CCR3: variants seen among roughly 807,000 people sequenced by gnomAD.
The protein encoded by CCR3 is C-C chemokine receptor type 3.
For synonymous variants in CCR3, 203 were observed against 179.2 expected (o/e 1.13, Z -1.06); for missense variants, 419 against 437.5 (o/e 0.96, Z 0.38).
intron 1 of CCR3, chr3:46,264,267 C>T (rs1390786258): frequency 1.4e-6 from 1 of 731,992 alleles, no homozygotes; most frequent in Non-Finnish European, 2.3e-6. Flanking sequence ...AACTCAGCAT[C>T]ACCAGGGGCA....
chr3:46,215,283 G>A (rs1244041408), intron 2 of CCR3, among the ~76,000 whole-genome samples: 1 of 152,142 alleles, frequency 6.6e-6, no homozygotes, highest in African/African-American at 2.4e-5. Context: ...CCTAAAAGTT[G>A]AGTTAGGTAG....
intron 2 of CCR3, among the ~76,000 whole-genome samples, chr3:46,218,064 C>A (rs561165255): frequency 6.6e-6 from 1 of 151,390 alleles, no homozygotes; most frequent in Non-Finnish European, 1.5e-5. Context: ...AATCGATAGA[C>A]CATTAGCAAG....
intron 2 of CCR3, among the ~76,000 whole-genome samples, chr3:46,215,181 G>T (rs898465361): frequency 6.6e-6 from 1 of 152,148 alleles, no homozygotes; most frequent in African/African-American, 2.4e-5. Flanking sequence ...TCCAGTCTGA[G>T]TGCTCATGCT....
At chr3:46,222,792 T>C (rs1699851774) in intron 2 of CCR3, among the ~76,000 whole-genome samples, 1 of 152,146 alleles carries the variant, frequency 6.6e-6, no homozygotes, top group Non-Finnish European at 1.5e-5. Flanking sequence ...TTTCTCAGGA[T>C]TGTTGCAATA....
chr3:46,226,326 C>T lies in CCR3; in HGVS notation c.-68+15419C>T, dbSNP rs551459451. Among the ~76,000 whole-genome samples the T allele has an allele frequency of 4.6e-5, 7 of 152,150 alleles. 1 individual carries two copies. The highest frequency in any genetic ancestry group is 1.7e-4 in the African/African-American group (7 of 41,518). On this transcript the variant is annotated intron_variant, in intron 2 of 3. Transcript: ENST00000357422. ...TAATCTATGAACATGGTATATCTCT[C>T]TATATTTATTTAGGTCTTCTTTGAT...
intron 2 of CCR3, among the ~76,000 whole-genome samples, chr3:46,218,963 G>C (rs1266304722): frequency 1.3e-5 from 2 of 152,084 alleles, no homozygotes; most frequent in Admixed American, 1.3e-4. Context: ...GCATATTACT[G>C]GAAGTTCTAG....
At chr3:46,253,633 T>C (rs748621022) in intron 1 of CCR3, among the ~76,000 whole-genome samples, 38 of 151,956 alleles carry the variant, frequency 2.5e-4, no homozygotes, top group Non-Finnish European at 4.9e-4. Flanking sequence ...TAACTAAGTT[T>C]ACATGCAGGA....
chr3:46,253,134 G>A (rs920628060), intron 1 of CCR3, among the ~76,000 whole-genome samples: 4 of 152,106 alleles, frequency 2.6e-5, no homozygotes, highest in Non-Finnish European at 5.9e-5. Context: ...ACTGAGAAAT[G>A]CTGCTCTAGC....
intron 1 of CCR3, among the ~76,000 whole-genome samples, chr3:46,246,436 C>T (rs968019265): frequency 8.6e-5 from 13 of 151,852 alleles, no homozygotes; most frequent in Non-Finnish European, 1.3e-4. Context: ...AGGAAAATTA[C>T]AGTCAAAGGG....
In CCR3 at chr3:46,265,555, C is replaced by T; in HGVS notation, c.397C>T (p.Leu133=). 1.2e-6 allele frequency: 2 copies of T among 1,614,160 alleles called. No homozygotes were observed. Among genetic ancestry groups the T allele is most frequent in the Non-Finnish European group, 1.7e-6 (2 of 1,180,028 alleles). The change falls in exon 2 of 2, where the codon CTG becomes TTG. Residue 133 remains leucine, a synonymous_variant. Transcript: ENST00000395940. The stretch of plus-strand genomic sequence containing the variant: ...AATCCTGCTGACAATCGACAGGTAC[C>T]TGGCCATTGTCCATGCTGTGTTTGC... The part of the protein sequence containing the change: ...FIILLTIDRY[L]AIVHAVFALR...
At chr3:46,264,910 C>A (rs1700588430) in intron 1 of CCR3, among the ~76,000 whole-genome samples, 2 of 152,186 alleles carry the variant, frequency 1.3e-5, no homozygotes, top group African/African-American at 4.8e-5. Flanking sequence ...CACCACCCCA[C>A]AACATTTCTG....
At chr3:46,250,889 C>G (rs1700295824) in intron 1 of CCR3, among the ~76,000 whole-genome samples, 1 of 151,224 alleles carries the variant, frequency 6.6e-6, no homozygotes, top group South Asian at 2.1e-4. Context: ...GATAAGAGGT[C>G]TGGGTGCGGA....
At chr3:46,217,484 C>G (rs1344579873) in intron 2 of CCR3, among the ~76,000 whole-genome samples, 1 of 152,148 alleles carries the variant, frequency 6.6e-6, no homozygotes, top group Admixed American at 6.5e-5. Context: ...ATTTACAGAA[C>G]ATTCTACCCA....
At chr3:46,211,394 T>C (rs1026214453) in intron 2 of CCR3, among the ~76,000 whole-genome samples, 2 of 147,352 alleles carry the variant, frequency 1.4e-5, no homozygotes, top group Middle Eastern at 3.3e-3. Flanking sequence ...TATATATATA[T>C]ATATTTTTTG....
At chr3:46,246,906 T>C (rs1291833586) in intron 1 of CCR3, among the ~76,000 whole-genome samples, 1 of 151,870 alleles carries the variant, frequency 6.6e-6, no homozygotes, top group African/African-American at 2.4e-5. Flanking sequence ...AAGGGAGGTC[T>C]TGTGGTAAGG....
rs151108824 is a variant in CCR3, at chr3:46,266,191, T to C, written c.1033T>C (p.Ser345Pro). Residue 345 changes from serine (S) to proline (P), a missense_variant, in exon 2 of 2, where the codon TCC (serine) becomes CCC (proline). Physicochemically the swap from Ser to Pro is moderately conservative, Grantham distance 74. Transcript: ENST00000395940. ...GGAAAGAACCAGCTCTGTCTCTCCATCCACAGCAGAGCCGGAACTCTCTAT... is the reference window on the plus strand; with the variant it reads ...GGAAAGAACCAGCTCTGTCTCTCCACCCACAGCAGAGCCGGAACTCTCTAT... ...KLERTSSVSPSTAEPELSIVF is the reference protein window; with the variant it reads ...KLERTSSVSPPTAEPELSIVF The C allele has an allele frequency of 3.1e-6, 5 of 1,613,618 alleles. No individual in the cohort carries two copies. Among genetic ancestry groups the C allele is most frequent in the Non-Finnish European group, 4.2e-6 (5 of 1,179,728 alleles).
In CCR3 at chr3:46,264,459, C is replaced by T. The variant is rs903813800; in HGVS notation, c.-11-689C>T. On this transcript the variant is annotated intron_variant, in intron 1 of 1. Transcript: ENST00000395940. ...GCACACAAGCCAGGTTCCTCAAGTC[C>T]GTAGCAAATTTTTCAAAAGTTAAAT... The T allele has an allele frequency of 2.2e-5, 33 of 1,516,398 alleles. No individual in the cohort carries two copies. The East Asian group carries it at 3.7e-4, about 17-fold the overall frequency. 93.9% of individuals were successfully genotyped at this position (1,516,398 alleles called of 1,614,324 possible). A position where few individuals can be genotyped will look rare whatever the true frequency, so the allele number is the denominator to read the frequency against.
chr3:46,219,645 T>C (rs569693758), intron 2 of CCR3, among the ~76,000 whole-genome samples: 28 of 152,248 alleles, frequency 1.8e-4, no homozygotes, highest in African/African-American at 6.5e-4. Context: ...CACAGGCAGA[T>C]AGACCAATGG....
chr3:46,261,464 A>G (rs1426193853), intron 1 of CCR3, among the ~76,000 whole-genome samples: 2 of 152,224 alleles, frequency 1.3e-5, no homozygotes, highest in Non-Finnish European at 2.9e-5. Context: ...TATTCAACAC[A>G]TAGTGTTTTA....
Sources: allele counts gnomAD v4.1 joint callset (sites outside exome capture counted in the v4.1 genomes callset), GRCh38; gene constraint gnomAD v4.1.1; transcripts MANE v1.5; gene names NCBI Gene and HGNC (gene_info 2026-07-23, HGNC 2026-07-21).